Variants in KCNK10 observed in about 807,000 individuals in gnomAD.
KCNK10 encodes the protein potassium two pore domain channel subfamily K member 10.
KCNK10 carries 25 observed loss-of-function variants against 47.7 expected under a neutral mutation model. That is an observed-to-expected ratio of 0.52 (90% confidence interval 0.38 to 0.73). KCNK10 has a LOEUF of 0.73. KCNK10 is among the 30% of genes least tolerant of loss of function. The pLI is 0.00. For synonymous variants in KCNK10, 303 were observed against 285.6 expected, an observed-to-expected ratio of 1.06 and a Z score of -0.61; for missense variants, 563 against 714.5, an observed-to-expected ratio of 0.79 and a Z score of 2.42.
chr14:88,254,571 C>T (rs535657026), intron 2 of KCNK10, among the ~76,000 whole-genome samples: 3 of 152,288 alleles, frequency 2.0e-5, no homozygotes, highest in South Asian at 4.1e-4. Flanking sequence ...TACGCTTCCC[C>T]GTCAGTCAGC....
chr14:88,207,168 CTTTTTTTTTTTT>C (rs55711197), intron 4 of KCNK10, among the ~76,000 whole-genome samples: 1,475 of 107,772 alleles, frequency 0.014, 20 homozygotes, highest in Non-Finnish European at 0.02. Flanking sequence ...AGGTCACTCT[CTTTTTTTTTTTT>C]TTTTTTTTTT....
At chr14:88,302,568 G>A (rs1888123980) in intron 1 of KCNK10, among the ~76,000 whole-genome samples, 2 of 152,204 alleles carry the variant, frequency 1.3e-5, no homozygotes, top group Admixed American at 6.5e-5. Context: ...AAATTAGCTA[G>A]GTGTGGTGGC....
chr14:88,312,031 A>G (rs1011872892), intron 1 of KCNK10, among the ~76,000 whole-genome samples: 3 of 151,890 alleles, frequency 2.0e-5, no homozygotes, highest in African/African-American at 7.3e-5. Flanking sequence ...ACACACTCTC[A>G]CCCTGTCCCA....
Position 88,216,181 on chromosome 14 carries a change from T to C in KCNK10, c.681+11194A>G, listed in dbSNP as rs750322317. Among the ~76,000 whole-genome samples, 29 of 152,118 alleles carry C rather than the reference T, an allele frequency of 1.9e-4. 1 individual carries two copies. Among genetic ancestry groups the C allele is most frequent in the Non-Finnish European group, 2.4e-4 (16 of 68,012 alleles). On this transcript the variant is annotated intron_variant, in intron 4 of 6. Coordinates refer to ENST00000319231, the MANE Select transcript of KCNK10 (RefSeq NM_138317.3). ...AGTATAAAATCTGCAAAGCCCTCTT[T>C]AAGGACCCATCTGAAGGAGGAGAGT... is the stretch of plus-strand genomic sequence containing the variant.
chr14:88,213,041 AT>A (rs1885511150), intron 4 of KCNK10, among the ~76,000 whole-genome samples: 1 of 152,142 alleles, frequency 6.6e-6, no homozygotes, highest in African/African-American at 2.4e-5. Flanking sequence ...TATTCTAAAC[AT>A]TTTCCCTTCC....
At chr14:88,250,763 C>A (rs950520200) in intron 2 of KCNK10, among the ~76,000 whole-genome samples, 24 of 152,124 alleles carry the variant, frequency 1.6e-4, no homozygotes, top group African/African-American at 5.8e-4. Context: ...TGGTGGCACA[C>A]CCCTGTAGTC....
intron 3 of KCNK10, among the ~76,000 whole-genome samples, 190 bp from the exon 4 acceptor site, chr14:88,227,725 C>T (rs1007976976): frequency 1.3e-5 from 2 of 152,274 alleles, no homozygotes; most frequent in East Asian, 1.9e-4. Flanking sequence ...CCCTTATAAA[C>T]GGTTTTAAGG....
chr14:88,289,477 C>G (rs1252413730), intron 1 of KCNK10, among the ~76,000 whole-genome samples: 1 of 152,208 alleles, frequency 6.6e-6, no homozygotes, highest in Non-Finnish European at 1.5e-5. Context: ...GGGCCATGGA[C>G]TTGCAGCTTT....
At chr14:88,196,741 C>A (rs187139762) in intron 4 of KCNK10, among the ~76,000 whole-genome samples, 1 of 152,262 alleles carries the variant, frequency 6.6e-6, no homozygotes, top group Non-Finnish European at 1.5e-5. Context: ...TGTTGAAATG[C>A]AAACACATCA....
intron 5 of KCNK10, among the ~76,000 whole-genome samples, chr14:88,191,955 A>T (rs964151753): frequency 1.3e-4 from 20 of 152,238 alleles, no homozygotes; most frequent in African/African-American, 4.6e-4. Flanking sequence ...TGAGAAATTC[A>T]CTTTAGTCTT....
chr14:88,252,510 A>G (rs1050711085), intron 2 of KCNK10, among the ~76,000 whole-genome samples: 1 of 152,200 alleles, frequency 6.6e-6, no homozygotes, highest in African/African-American at 2.4e-5. Flanking sequence ...GCAAATTACC[A>G]AGGAGATTAC....
intron 1 of KCNK10, among the ~76,000 whole-genome samples, chr14:88,302,995 C>G (rs1381891901): frequency 6.6e-6 from 1 of 152,160 alleles, no homozygotes; most frequent in South Asian, 2.1e-4. Context: ...AAGGATAATA[C>G]CATCCCCCTT....
intron 1 of KCNK10, among the ~76,000 whole-genome samples, chr14:88,267,103 C>T (rs2139758615): frequency 6.6e-6 from 1 of 152,298 alleles, no homozygotes; most frequent in African/African-American, 2.4e-5. Context: ...TCTCTGTTTG[C>T]TTACTGTGAA....
intron 2 of KCNK10, among the ~76,000 whole-genome samples, chr14:88,245,285 G>C (rs918195773): frequency 2.0e-5 from 3 of 152,076 alleles, no homozygotes; most frequent in African/African-American, 7.2e-5. Flanking sequence ...CTTGAAAGAG[G>C]GCAGGATCTA....
chr14:88,229,784 A>G (rs987369250), intron 3 of KCNK10, among the ~76,000 whole-genome samples: 1 of 152,126 alleles, frequency 6.6e-6, no homozygotes, highest in African/African-American at 2.4e-5. Flanking sequence ...ACTCTGGGAA[A>G]ATTCCAGCAC....
At chr14:88,310,113 A>C in intron 1 of KCNK10, among the ~76,000 whole-genome samples, 1 of 71,860 alleles carries the variant, frequency 1.4e-5, no homozygotes, top group East Asian at 4.7e-4. Flanking sequence ...TTCGCATGTT[A>C]ACAAGATGTG....
chr14:88,294,344 C>T (rs968073559), intron 1 of KCNK10, among the ~76,000 whole-genome samples: 1 of 152,244 alleles, frequency 6.6e-6, no homozygotes, highest in Non-Finnish European at 1.5e-5. Flanking sequence ...GGGTCTGCAG[C>T]CTTTGGCAGC....
chr14:88,309,368 G>A (rs8017439), intron 1 of KCNK10, among the ~76,000 whole-genome samples: 22,754 of 152,136 alleles, frequency 0.15, 1,890 homozygotes, highest in East Asian at 0.26. Context: ...TTGGGAAGCC[G>A]AGGTAGGCGG....
chr14:88,276,742 C>G (rs1183713407), intron 1 of KCNK10, among the ~76,000 whole-genome samples: 1 of 152,236 alleles, frequency 6.6e-6, no homozygotes, highest in African/African-American at 2.4e-5. Context: ...GCTACAGAAA[C>G]CAGGCAGCCT....
Sources: gnomAD v4.1 joint callset for allele counts (sites outside exome capture counted in the v4.1 genomes callset) on GRCh38, gnomAD v4.1.1 for gene constraint, MANE v1.5 for transcripts, NCBI Gene and HGNC (gene_info 2026-07-23, HGNC 2026-07-21) for gene names.